TBL1XR1: variants seen among roughly 807,000 people sequenced by gnomAD.
The protein encoded by TBL1XR1 is TBL1X/Y related 1.
In TBL1XR1, 5 loss-of-function variants were observed where a neutral mutation model predicts 66.9. The ratio of observed to expected loss-of-function variants is 0.07; its 90% CI spans 0.04 to 0.16. The LOEUF is 0.16. Ranked by LOEUF, TBL1XR1 falls within the 10% of genes least tolerant of loss-of-function variation. The pLI, the probability that TBL1XR1 is intolerant of heterozygous loss-of-function variation, is 1.00. For missense variants in TBL1XR1, 238 were observed against 623.2 expected (o/e 0.38, Z 6.58); for synonymous variants, 210 against 206.0 (o/e 1.02, Z -0.17).
intron 1 of TBL1XR1, among the ~76,000 whole-genome samples, chr3:177,151,221 A>T (rs546046389): frequency 1.3e-5 from 2 of 152,194 alleles, no homozygotes; most frequent in Non-Finnish European, 2.9e-5. Context: ...TTCACATTGA[A>T]CCACCTCTCC....
At chr3:177,044,511 GGA>G (rs1200815846) in intron 10 of TBL1XR1, among the ~76,000 whole-genome samples, 1 of 152,068 alleles carries the variant, frequency 6.6e-6, no homozygotes, top group African/African-American at 2.4e-5. Context: ...TCTGGGGATG[GGA>G]GAGAGATATC....
chr3:177,163,043 T>C (rs1450649519), intron 1 of TBL1XR1, among the ~76,000 whole-genome samples: 13 of 151,750 alleles, frequency 8.6e-5, no homozygotes, highest in Admixed American at 8.5e-4. Context: ...ATTCCAATTA[T>C]TTATTTATCA....
intron 1 of TBL1XR1, among the ~76,000 whole-genome samples, chr3:177,183,447 T>TA (rs1735056829): frequency 6.6e-6 from 1 of 152,178 alleles, no homozygotes; most frequent in African/African-American, 2.4e-5. Context: ...AAGTGACTGA[T>TA]AAAGCAGTTG....
chr3:177,195,312 A>G (rs1181810293), intron 1 of TBL1XR1, among the ~76,000 whole-genome samples: 1 of 151,908 alleles, frequency 6.6e-6, no homozygotes, highest in Non-Finnish European at 1.5e-5. Context: ...CCTCCCCCAC[A>G]GGTAAATGCT....
chr3:177,116,062 C>T (rs539681932), intron 1 of TBL1XR1, among the ~76,000 whole-genome samples: 1 of 152,246 alleles, frequency 6.6e-6, no homozygotes, highest in Admixed American at 6.5e-5. Flanking sequence ...TAGCCATTTT[C>T]CAACCCAGGC....
upstream of TBL1XR1, among the ~76,000 whole-genome samples, chr3:177,198,078 A>T (rs1238716406): frequency 6.6e-6 from 1 of 152,042 alleles, no homozygotes; most frequent in Non-Finnish European, 1.5e-5. Context: ...CATCATATGG[A>T]CATTTGTTTG....
At chr3:177,156,330 C>T (rs1488931975) in intron 1 of TBL1XR1, among the ~76,000 whole-genome samples, 1 of 151,298 alleles carries the variant, frequency 6.6e-6, no homozygotes, top group Non-Finnish European at 1.5e-5. Flanking sequence ...AAACCCCCGT[C>T]TCTACTGAAA....
intron 1 of TBL1XR1, among the ~76,000 whole-genome samples, chr3:177,156,713 G>C (rs1438608584): frequency 1.3e-5 from 2 of 152,000 alleles, no homozygotes; most frequent in African/African-American, 4.8e-5. Context: ...AAAGATGTAT[G>C]AATGTCCTCA....
intron 14 of TBL1XR1, among the ~76,000 whole-genome samples, chr3:177,030,909 TG>T (rs747263907): frequency 1.3e-5 from 2 of 152,088 alleles, no homozygotes; most frequent in Admixed American, 6.5e-5. Flanking sequence ...GTCAGGAGTC[TG>T]GGACCAGCCT....
chr3:177,155,670 A>T (rs1577332807), intron 1 of TBL1XR1, among the ~76,000 whole-genome samples: 1 of 152,222 alleles, frequency 6.6e-6, no homozygotes, highest in East Asian at 1.9e-4. Context: ...CTGAATAGTC[A>T]CATAGAAAAA....
At chr3:177,105,625 G>A (rs1724784417) in intron 1 of TBL1XR1, among the ~76,000 whole-genome samples, 1 of 152,176 alleles carries the variant, frequency 6.6e-6, no homozygotes, top group African/African-American at 2.4e-5. Context: ...AATGAGAATG[G>A]CTCTGCCAAG....
intron 1 of TBL1XR1, among the ~76,000 whole-genome samples, chr3:177,160,594 A>G (rs6443430): frequency 0.98 from 149,621 of 152,200 alleles, 73,555 homozygotes; most frequent in Middle Eastern, 1. Context: ...TATTACTTGC[A>G]CTGGGTTTGA....
intron 1 of TBL1XR1, among the ~76,000 whole-genome samples, chr3:177,099,217 A>C (rs1241236010): frequency 1.3e-5 from 2 of 152,034 alleles, no homozygotes; most frequent in Non-Finnish European, 2.9e-5. Flanking sequence ...AAATACAAAA[A>C]TCAGCTGGGC....
intron 2 of TBL1XR1, among the ~76,000 whole-genome samples, chr3:177,075,584 T>C (rs2108583236): frequency 6.6e-6 from 1 of 152,338 alleles, no homozygotes; most frequent in South Asian, 2.1e-4. Context: ...ATTTCACTTT[T>C]TCAGGCTGAA....
intron 1 of TBL1XR1, among the ~76,000 whole-genome samples, chr3:177,139,185 G>A (rs185211086): frequency 2.6e-5 from 4 of 152,070 alleles, no homozygotes; most frequent in African/African-American, 9.6e-5. Flanking sequence ...AACAAAATAC[G>A]CCACATTTAA....
At position 177,024,713 on chromosome 3, in the gene TBL1XR1, G is replaced by GAAAAAAAAAAAAAAAAAAACA; in HGVS notation, c.*784_*785insTGTTTTTTTTTTTTTTTTTTT. The GAAAAAAAAAAAAAAAAAAACA allele has an allele frequency of 1.2e-5, 1 of 85,372 alleles. No individual in the cohort carries two copies. The highest frequency in any genetic ancestry group is 2.5e-5 in the Non-Finnish European group (1 of 39,964). 5.3% of individuals were successfully genotyped at this position (85,372 alleles called of 1,614,324 possible). ...AGCCACATCACCAAAAAACAAAAAA[G>GAAAAAAAAAAAAAAAAAAACA]AAAAAAAAAAAAAAAAAGCAAAACA... is the stretch of plus-strand genomic sequence containing the variant. On this transcript the variant is annotated 3_prime_UTR_variant, in exon 16 of 16. Coordinates refer to ENST00000457928, the MANE Select transcript of TBL1XR1 (RefSeq NM_024665.7).
intron 1 of TBL1XR1, among the ~76,000 whole-genome samples, chr3:177,192,398 C>CAAAA (rs759331999): frequency 0.051 from 4,237 of 83,278 alleles, 412 homozygotes; most frequent in East Asian, 0.47. Flanking sequence ...GACTTTATCT[C>CAAAA]AAAAAAAAAA....
Position 177,183,279 on chromosome 3 carries a change from A to C in TBL1XR1, c.-122+13842T>G, listed in dbSNP as rs548961980. Among the ~76,000 whole-genome samples, 7 of 152,338 alleles carry C rather than the reference A, an allele frequency of 4.6e-5. No individual in the cohort carries two copies. The East Asian group carries it at 1.3e-3, about 29-fold the overall frequency. On this transcript the variant is annotated intron_variant, in intron 1 of 15. Transcript: ENST00000457928. ...TAATAAAATTCATTTAGGTTTATAA[A>C]AGCATGTTTTTAAATGAAGAGTACA... is the stretch of plus-strand genomic sequence containing the variant.
chr3:177,166,120 G>A (rs1388623746), intron 1 of TBL1XR1, among the ~76,000 whole-genome samples: 1 of 151,892 alleles, frequency 6.6e-6, no homozygotes, highest in Non-Finnish European at 1.5e-5. Context: ...GGCACAGTGG[G>A]TCACACCTGT....
Sources: gnomAD v4.1 joint callset for allele counts (sites outside exome capture counted in the v4.1 genomes callset) on GRCh38, gnomAD v4.1.1 for gene constraint, MANE v1.5 for transcripts, NCBI Gene and HGNC (gene_info 2026-07-23, HGNC 2026-07-21) for gene names.